Variants in SP140L observed in about 807,000 individuals in gnomAD.
SP140L encodes the protein SP140 like nuclear body protein.
In SP140L, 64 loss-of-function variants were observed where a neutral mutation model predicts 84.3. That is an observed-to-expected ratio of 0.76 (90% CI 0.62 to 0.94). SP140L has a LOEUF of 0.94. SP140L is among the 40% of genes least tolerant of loss of function. The probability of loss-of-function intolerance (pLI) is 0.00; values close to 1 mark genes in which losing one functional copy is unlikely to be tolerated. For synonymous variants in SP140L, 242 were observed against 236.9 expected, an observed-to-expected ratio of 1.02 and a Z score of -0.20; for missense variants, 628 against 692.5, an observed-to-expected ratio of 0.91 and a Z score of 1.05.
chr2:230,342,100 G>A (rs907580157), intron 2 of SP140L: 16 of 165,908 alleles, frequency 9.6e-5, no homozygotes, highest in African/African-American at 2.2e-4. Flanking sequence ...CGTCACTGCC[G>A]CCTTGCAGTT....
Position 230,391,874 on chromosome 2 carries a change from G to A in SP140L, c.965-213G>A, listed in dbSNP as rs1255911134. ...AACCATCACTCTCCTCATGGGTGAA[G>A]GTCAAAGACATGTGCACCCCCACCA... On this transcript the variant is annotated intron_variant, in intron 11 of 18. Transcript: ENST00000415673. 7.1e-6 allele frequency: 4 copies of A among 560,086 alleles called. No homozygotes were observed. In the African/African-American group the frequency reaches 7.5e-5, roughly 11 times the overall value. 34.7% of individuals were successfully genotyped at this position (560,086 alleles called of 1,614,324 possible). A position where few individuals can be genotyped will look rare whatever the true frequency, so the allele number is the denominator to read the frequency against.
In SP140L at chr2:230,357,865, C is replaced by T. The variant is rs185443306; in HGVS notation, c.168C>T (p.His56=). The T allele has an allele frequency of 2.8e-5, 45 of 1,614,072 alleles. No individual in the cohort carries two copies. The African/African-American group carries it at 5.7e-4, about 21-fold the overall frequency. ...EGLVYDTVFK[H]FKRHKLEISN... ...TTGTCTATGACACTGTATTCAAGCA[C>T]TTCAAAAGACATAAGCTGGAGATAT... Residue 56 remains histidine (H), a synonymous_variant, in exon 3 of 19, where the codon CAC becomes CAT. Transcript: ENST00000415673.
At chr2:230,385,100 C>T in intron 8 of SP140L, 124 bp from the exon 9 acceptor site, 1 of 830,798 alleles carries the variant, frequency 1.2e-6, no homozygotes. Context: ...GCAGAAAATG[C>T]TCTGGACACC....
chr2:230,395,604 C>A (rs56105857), intron 13 of SP140L, among the ~76,000 whole-genome samples: 1 of 151,830 alleles, frequency 6.6e-6, no homozygotes, highest in Non-Finnish European at 1.5e-5. Flanking sequence ...AAAATTGTTT[C>A]AATTTTATTG....
At chr2:230,386,595 C>T (rs1190261405) in intron 9 of SP140L, among the ~76,000 whole-genome samples, 1 of 152,158 alleles carries the variant, frequency 6.6e-6, no homozygotes, top group African/African-American at 2.4e-5. Flanking sequence ...TCCTGCCTTG[C>T]TCAGCCACTT....
intron 4 of SP140L, among the ~76,000 whole-genome samples, chr2:230,359,879 C>G (rs1360753090): frequency 7.1e-6 from 1 of 140,044 alleles, no homozygotes; most frequent in Non-Finnish European, 1.6e-5. Flanking sequence ...AAACATTAAT[C>G]AAATAATCAC....
At position 230,349,037 on chromosome 2, in the gene SP140L, A is replaced by C. The variant is rs533494922; in HGVS notation, c.108-8768A>C. 3.3e-5 allele frequency among the ~76,000 whole-genome samples: 5 copies of C among 152,358 alleles called. No individual in the cohort carries two copies. The East Asian group carries it at 9.6e-4, about 29-fold the overall frequency. On this transcript the variant is annotated intron_variant, in intron 2 of 18. Coordinates refer to ENST00000415673, the MANE Select transcript of SP140L (RefSeq NM_138402.6). ...GCTCTTACATTTAGATCCATGATCC[A>C]TTTTTAGTTGATTCATGTATATGAT...
At chr2:230,363,165 C>A (rs533494053) in intron 5 of SP140L, among the ~76,000 whole-genome samples, 1 of 152,242 alleles carries the variant, frequency 6.6e-6, no homozygotes, top group African/African-American at 2.4e-5. Flanking sequence ...GCTGATTTAT[C>A]CTTTGGATAT....
intron 5 of SP140L, 147 bp downstream of exon 5, chr2:230,361,844 AG>A: frequency 1.6e-6 from 1 of 635,244 alleles, no homozygotes; most frequent in South Asian, 2.0e-5. Context: ...GGGTTGTATG[AG>A]CTCCTAATCA....
In SP140L at chr2:230,403,177, C is replaced by A. The variant is rs1362403735; in HGVS notation, c.*281C>A. On this transcript the variant is annotated 3_prime_UTR_variant, in exon 19 of 19. Transcript: ENST00000415673. ...CTCTTCTCCTGAGGTCTGCTCCAGACAACATTTATTACTCACAAGACCTTT... is the reference window on the plus strand; with the variant it reads ...CTCTTCTCCTGAGGTCTGCTCCAGAAAACATTTATTACTCACAAGACCTTT... 3 of 308,184 alleles carry A rather than the reference C, an allele frequency of 9.7e-6. No individual in the cohort carries two copies. Among genetic ancestry groups the A allele is most frequent in the African/African-American group, 4.4e-5 (2 of 45,010 alleles). 19.1% of individuals were successfully genotyped at this position (308,184 alleles called of 1,614,324 possible). A position where few individuals can be genotyped will look rare whatever the true frequency, so the allele number is the denominator to read the frequency against.
intron 4 of SP140L, among the ~76,000 whole-genome samples, chr2:230,359,390 T>C (rs2060645177): frequency 1.3e-5 from 2 of 152,208 alleles, no homozygotes; most frequent in Admixed American, 1.3e-4. Context: ...ACTTAGAAGA[T>C]AAGAAACACA....
chr2:230,346,975 T>G (rs1346789978), intron 2 of SP140L, among the ~76,000 whole-genome samples: 1 of 152,240 alleles, frequency 6.6e-6, no homozygotes, highest in African/African-American at 2.4e-5. Context: ...CATTAGTGTC[T>G]GTACATTTGA....
intron 7 of SP140L, among the ~76,000 whole-genome samples, chr2:230,379,238 G>T (rs11693767): frequency 0.25 from 37,834 of 151,784 alleles, 5,206 homozygotes; most frequent in Non-Finnish European, 0.3. Flanking sequence ...AGATGTATAT[G>T]GACCTGTATC....
chr2:230,350,512 G>A (rs2060332804), intron 2 of SP140L, among the ~76,000 whole-genome samples: 1 of 152,106 alleles, frequency 6.6e-6, no homozygotes, highest in South Asian at 2.1e-4. Flanking sequence ...CTGTATTTAT[G>A]AGAATGTAGT....
At position 230,328,822 on chromosome 2, in the gene SP140L, G is replaced by A; in HGVS notation, c.98G>A (p.Ser33Asn). The A allele has an allele frequency of 1.2e-6, 2 of 1,607,824 alleles. No homozygotes were observed. Among genetic ancestry groups the A allele is most frequent in the Non-Finnish European group, 1.7e-6 (2 of 1,176,586 alleles). Residue 33 changes from serine to asparagine, a missense_variant, in exon 2 of 19, where the codon AGT (serine) becomes AAT (asparagine). Physicochemically the swap from Ser to Asn is conservative, Grantham distance 46 (BLOSUM62 1). Coordinates refer to ENST00000415673, the MANE Select transcript of SP140L (RefSeq NM_138402.6). ...AACCATCTTCCTGCACACAGCCAAA[G>A]TCTGCAAAGGTGATGAAGAATTACA... is the stretch of plus-strand genomic sequence containing the variant. ...EMNHLPAHSQ[S>N]LQRLFTEDQD... is the part of the protein sequence containing the mutation.
intron 2 of SP140L, among the ~76,000 whole-genome samples, chr2:230,341,826 A>G (rs530749987): frequency 6.6e-6 from 1 of 152,192 alleles, no homozygotes; most frequent in Admixed American, 6.5e-5. Context: ...TCAGGGACCC[A>G]CTTGAGGAGG....
intron 2 of SP140L, among the ~76,000 whole-genome samples, chr2:230,337,168 T>C (rs1273279428): frequency 1.3e-5 from 2 of 152,110 alleles, no homozygotes; most frequent in Non-Finnish European, 2.9e-5. Flanking sequence ...GTTTCCTGAC[T>C]TTTTAATGAT....
At chr2:230,354,848 G>GGAAAGAAA (rs61603133) in intron 2 of SP140L, among the ~76,000 whole-genome samples, 14,333 of 108,632 alleles carry the variant, frequency 0.13, 1,083 homozygotes, top group African/African-American at 0.14. Context: ...AAGAAAGAAA[G>GGAAAGAAA]GAAAGAAAGA....
In SP140L at chr2:230,392,199, T is replaced by A; in HGVS notation, c.1077T>A (p.Cys359Ter). 6.2e-7 allele frequency: 1 copy of A among 1,614,072 alleles called. No individual in the cohort carries two copies. Among genetic ancestry groups the A allele is most frequent in the African/African-American group, 1.3e-5 (1 of 75,050 alleles). ...AGAACTGGAGGCTGAGTGTGCGCTG[T>A]GGCGGGTGGCCCCTACGACGGCTGA... is the stretch of plus-strand genomic sequence containing the variant. ...RSKNWRLSVR[C>*]GGWPLRRLME... The change falls in exon 12 of 19, where the codon TGT becomes TGA. Residue 359 changes from cysteine (C) to a stop codon, truncating the protein, a stop_gained. Coordinates refer to ENST00000415673, the MANE Select transcript of SP140L (RefSeq NM_138402.6). LOFTEE classifies it high-confidence loss of function.
Sources: allele counts gnomAD v4.1 joint callset (sites outside exome capture counted in the v4.1 genomes callset), GRCh38; gene constraint gnomAD v4.1.1; transcripts MANE v1.5; gene names NCBI Gene and HGNC (gene_info 2026-07-23, HGNC 2026-07-21).